BMP2K: variants seen among roughly 807,000 people sequenced by gnomAD.
BMP2K encodes BMP-2-inducible protein kinase.
In BMP2K, 74 loss-of-function variants were observed where a neutral mutation model predicts 116.0. The ratio of observed to expected loss-of-function variants is 0.64; its 90% confidence interval spans 0.53 to 0.77. The LOEUF (loss-of-function observed/expected upper bound fraction) is 0.77, where lower values mean the gene tolerates loss of function less well. Among genes scored for constraint, BMP2K ranks in the 30% least tolerant of loss-of-function variants. BMP2K has a pLI of 0.00. For missense variants in BMP2K, 1,365 were observed against 1,403.6 expected (o/e 0.97, Z 0.44); for synonymous variants, 486 against 502.5 (o/e 0.97, Z 0.44).
intron 2 of BMP2K, among the ~76,000 whole-genome samples, 187 bp downstream of exon 2, chr4:78,826,342 C>T (rs1577903022): frequency 1.3e-5 from 2 of 152,106 alleles, no homozygotes; most frequent in Non-Finnish European, 2.9e-5. Flanking sequence ...GCCAGGATTA[C>T]AGGTGTCCAT....
At chr4:78,904,249 AAGAT>A (rs1468801528) in intron 15 of BMP2K, among the ~76,000 whole-genome samples, 1 of 151,912 alleles carries the variant, frequency 6.6e-6, no homozygotes, top group African/African-American at 2.4e-5. Flanking sequence ...AGTTCTAAGA[AAGAT>A]CATAGTAAAC....
chr4:78,838,128 G>A (rs1211486355), intron 3 of BMP2K, among the ~76,000 whole-genome samples: 5 of 152,190 alleles, frequency 3.3e-5, no homozygotes, highest in Admixed American at 3.3e-4. Context: ...CATCTTATGT[G>A]GATGGCAGCA....
At chr4:78,789,440 T>C (rs1189774482) in intron 1 of BMP2K, among the ~76,000 whole-genome samples, 1 of 152,220 alleles carries the variant, frequency 6.6e-6, no homozygotes, top group Admixed American at 6.5e-5. Flanking sequence ...ATAGCTCCTG[T>C]ATGTATGGGC....
chr4:78,776,812 T>G (rs1268288124), intron 1 of BMP2K, 91 bp downstream of exon 1: 2 of 1,109,094 alleles, frequency 1.8e-6, no homozygotes, highest in Non-Finnish European at 2.3e-6. Context: ...CCGGACTGAC[T>G]CTTATACCCC....
At chr4:78,821,256 G>A (rs1729603328) in intron 1 of BMP2K, among the ~76,000 whole-genome samples, 1 of 152,194 alleles carries the variant, frequency 6.6e-6, no homozygotes, top group Non-Finnish European at 1.5e-5. Flanking sequence ...GATGCGCTTT[G>A]TGTAAATGGG....
rs1734540307 is a variant in BMP2K at position 78,910,691 on chromosome 4, G to C, written c.2144G>C (p.Ser715Thr). The C allele has an allele frequency of 6.2e-7, 1 of 1,611,026 alleles. No individual in the cohort carries two copies. The highest frequency in any genetic ancestry group is 1.3e-5 in the African/African-American group (1 of 74,704). ...AACCCTATCAAGAACGGTAAAACAA[G>C]TCCAGCATCTAAAGATCAGCGGACT... ...TANPIKNGKT[S>T]PASKDQRTGK... Residue 715 changes from serine to threonine, a missense_variant, in exon 16 of 16, where the codon AGT becomes ACT. Physicochemically the swap from Ser to Thr is moderately conservative, Grantham distance 58. Coordinates refer to ENST00000502613, the MANE Select transcript of BMP2K (RefSeq NM_198892.2).
rs1734669774 is a variant in BMP2K at position 78,912,141 on chromosome 4, A to T, written c.*108A>T. The T allele has an allele frequency of 1.2e-5, 12 of 968,072 alleles. No individual in the cohort carries two copies. Among genetic ancestry groups the T allele is most frequent in the Admixed American group, 2.3e-5 (1 of 42,726 alleles). The allele number at this position is 968,072 out of a possible 1,614,324, so 60.0% of individuals were successfully genotyped here. ...CTCTTTATAGCATTCATTCTTAAAG[A>T]TCAGTCAGAATAGGTGATTTCTAAA... On this transcript the variant is annotated 3_prime_UTR_variant, in exon 16 of 16. Transcript: ENST00000502613.
intron 12 of BMP2K, chr4:78,872,360 C>A: frequency 1.4e-5 from 2 of 147,696 alleles, no homozygotes; most frequent in African/African-American, 3.2e-5. Flanking sequence ...TGACTTTAAG[C>A]TACTCTTTTT....
intron 14 of BMP2K, among the ~76,000 whole-genome samples, chr4:78,883,106 A>G (rs997553658): frequency 6.6e-5 from 10 of 152,214 alleles, no homozygotes; most frequent in African/African-American, 1.7e-4. Flanking sequence ...TATTTTTGCT[A>G]TCTGTATCAA....
intron 14 of BMP2K, chr4:78,879,181 G>T: frequency 9.2e-7 from 1 of 1,085,184 alleles, no homozygotes; most frequent in Non-Finnish European, 1.1e-6. Flanking sequence ...TCTAAAACAT[G>T]GAAAATTGAT....
intron 1 of BMP2K, among the ~76,000 whole-genome samples, chr4:78,794,322 G>A (rs1012405829): frequency 3.3e-5 from 5 of 152,138 alleles, no homozygotes; most frequent in African/African-American, 1.2e-4. Context: ...ACCGTCATTA[G>A]GTATTACAGT....
chr4:78,905,812 A>AT (rs77857328), intron 15 of BMP2K, among the ~76,000 whole-genome samples: 36 of 149,782 alleles, frequency 2.4e-4, no homozygotes, highest in Admixed American at 5.3e-4. Flanking sequence ...AAGATCTGAA[A>AT]TTTTTTTTTT....
chr4:78,910,909 C>A lies in BMP2K; in HGVS notation c.2362C>A (p.Leu788Ile). The change falls in exon 16 of 16, where the codon CTC becomes ATC. Residue 788 changes from leucine (L) to isoleucine (I), a missense_variant. Physicochemically the swap from Leu to Ile is conservative, Grantham distance 5. Transcript: ENST00000502613. The part of the protein sequence containing the change: ...EPENLGHRPL[L>I]MDSEDEEEEE... Reference sequence around the variant, plus strand: ...AGAAAATCTGGGTCATAGGCCTCTCCTCATGGATTCTGAAGATGAGGAAGA... The same window carrying A: ...AGAAAATCTGGGTCATAGGCCTCTCATCATGGATTCTGAAGATGAGGAAGA... The A allele has an allele frequency of 6.2e-7, 1 of 1,613,876 alleles. No homozygotes were observed. The highest frequency in any genetic ancestry group is 8.5e-7 in the Non-Finnish European group (1 of 1,179,844).
chr4:78,851,339 A>G (rs2110033754), intron 7 of BMP2K, among the ~76,000 whole-genome samples: 1 of 152,198 alleles, frequency 6.6e-6, no homozygotes, highest in Middle Eastern at 3.4e-3. Flanking sequence ...CCTCGATTTC[A>G]AAAGAATATT....
At chr4:78,893,957 ACTT>A (rs1733572473) in intron 15 of BMP2K, among the ~76,000 whole-genome samples, 1 of 152,174 alleles carries the variant, frequency 6.6e-6, no homozygotes, top group South Asian at 2.1e-4. Context: ...ATCTTCTTGT[ACTT>A]CTCCATCAGA....
intron 2 of BMP2K, among the ~76,000 whole-genome samples, chr4:78,827,382 G>T (rs1430317770): frequency 6.6e-6 from 1 of 152,154 alleles, no homozygotes; most frequent in Non-Finnish European, 1.5e-5. Flanking sequence ...TGCCAGCTAT[G>T]TTCAGGGTCT....
chr4:78,872,253 A>G (rs1216993060), intron 12 of BMP2K: 1 of 288,458 alleles, frequency 3.5e-6, no homozygotes, highest in Non-Finnish European at 6.4e-6. Flanking sequence ...TATTGAGTAA[A>G]AAAATGAAAC....
intron 2 of BMP2K, 120 bp downstream of exon 2, chr4:78,826,275 C>T (rs756429852): frequency 3.2e-5 from 22 of 680,658 alleles, no homozygotes; most frequent in East Asian, 5.5e-5. Context: ...GATCTCAGCT[C>T]GCTGCAACCT....
At chr4:78,819,292 C>T (rs557254528) in intron 1 of BMP2K, among the ~76,000 whole-genome samples, 10 of 152,132 alleles carry the variant, frequency 6.6e-5, no homozygotes, top group South Asian at 2.1e-4. Flanking sequence ...TGATCTTAGG[C>T]GATCCACCAT....
Sources: allele counts gnomAD v4.1 joint callset (sites outside exome capture counted in the v4.1 genomes callset), GRCh38; gene constraint gnomAD v4.1.1; transcripts MANE v1.5; gene names NCBI Gene and HGNC (gene_info 2026-07-23, HGNC 2026-07-21).